The following WWOX variants were observed in gnomAD, a reference collection of about 807,000 sequenced individuals.
WWOX encodes the protein WW domain-containing oxidoreductase.
WWOX carries 69 observed loss-of-function variants against 46.2 expected under a neutral mutation model. That is an observed-to-expected ratio of 1.49 (90% CI 1.23 to 1.82). The LOEUF is 1.82. Among genes scored for constraint, WWOX ranks in the 40% most tolerant of loss-of-function variants. The pLI is 0.00. For missense variants in WWOX, 919 were observed against 542.6 expected, an observed-to-expected ratio of 1.69 and a Z score of -6.89; for synonymous variants, 359 against 202.6, an observed-to-expected ratio of 1.77 and a Z score of -6.56.
chr16:78,786,619 C>T (rs960980020), intron 8 of WWOX, among the ~76,000 whole-genome samples: 2 of 152,166 alleles, frequency 1.3e-5, no homozygotes, highest in African/African-American at 2.4e-5. Flanking sequence ...TTAGTATATT[C>T]GCATGGTTAT....
At chr16:79,064,927 A>C (rs913479800) in intron 8 of WWOX, among the ~76,000 whole-genome samples, 5 of 152,176 alleles carry the variant, frequency 3.3e-5, no homozygotes, top group African/African-American at 9.7e-5. Flanking sequence ...GGCCAGTGCA[A>C]ATGGCGCCAG....
At chr16:78,760,240 C>T (rs894433008) in intron 8 of WWOX, among the ~76,000 whole-genome samples, 1 of 152,162 alleles carries the variant, frequency 6.6e-6, no homozygotes, top group Admixed American at 6.5e-5. Context: ...TCTCATGAGA[C>T]TTATTCACTA....
intron 8 of WWOX, among the ~76,000 whole-genome samples, chr16:78,674,848 G>A (rs1242768216): frequency 6.8e-6 from 1 of 147,510 alleles, no homozygotes; most frequent in Non-Finnish European, 1.5e-5. Context: ...TTTTCTGGAA[G>A]AAAGAGCAGA....
At chr16:78,382,519 C>T (rs536300159) in intron 5 of WWOX, among the ~76,000 whole-genome samples, 6 of 152,180 alleles carry the variant, frequency 3.9e-5, no homozygotes, top group African/African-American at 1.4e-4. Flanking sequence ...CTTACTGAAG[C>T]ACATCCTGAT....
intron 8 of WWOX, among the ~76,000 whole-genome samples, chr16:78,549,118 T>C (rs866328132): frequency 2.0e-5 from 3 of 152,180 alleles, no homozygotes; most frequent in African/African-American, 7.2e-5. Flanking sequence ...GTCACTGTGG[T>C]ATTGAGATTT....
chr16:78,741,206 A>G (rs896054223), intron 8 of WWOX, among the ~76,000 whole-genome samples: 3 of 152,220 alleles, frequency 2.0e-5, no homozygotes, highest in African/African-American at 7.2e-5. Flanking sequence ...AATCTTTATT[A>G]TAATCCTGTA....
intron 5 of WWOX, among the ~76,000 whole-genome samples, chr16:78,363,805 G>A (rs1381105822): frequency 1.3e-5 from 2 of 152,162 alleles, no homozygotes; most frequent in African/African-American, 4.8e-5. Context: ...GAGACAGTGA[G>A]GTCCTGTAGG....
chr16:78,841,836 T>C (rs1264302264), intron 8 of WWOX, among the ~76,000 whole-genome samples: 1 of 152,234 alleles, frequency 6.6e-6, no homozygotes, highest in African/African-American at 2.4e-5. Context: ...GATTATGTTA[T>C]TCATGAATTT....
intron 8 of WWOX, among the ~76,000 whole-genome samples, chr16:79,042,074 A>G (rs952918078): frequency 6.6e-6 from 1 of 151,984 alleles, no homozygotes; most frequent in Non-Finnish European, 1.5e-5. Context: ...CTCTCTAGCT[A>G]CCATGTTCCA....
At chr16:79,144,503 C>T (rs2050149026) in intron 8 of WWOX, among the ~76,000 whole-genome samples, 1 of 152,144 alleles carries the variant, frequency 6.6e-6, no homozygotes, top group Non-Finnish European at 1.5e-5. Context: ...CGCTTGCCTC[C>T]TGCTAGTTCC....
At chr16:78,831,940 G>A (rs2051838678) in intron 8 of WWOX, among the ~76,000 whole-genome samples, 1 of 152,078 alleles carries the variant, frequency 6.6e-6, no homozygotes, top group Non-Finnish European at 1.5e-5. Flanking sequence ...CTCACTTTTG[G>A]TGATAACTAC....
At chr16:78,992,114 T>C (rs11645929) in intron 8 of WWOX, among the ~76,000 whole-genome samples, 149,693 of 152,224 alleles carry the variant, frequency 0.98, 73,671 homozygotes, top group East Asian at 1. Context: ...ACTAAAGATG[T>C]AGCAATGAGT....
chr16:78,214,301 T>C (rs2036649948), intron 5 of WWOX, among the ~76,000 whole-genome samples: 3 of 150,986 alleles, frequency 2.0e-5, no homozygotes, highest in South Asian at 4.2e-4. Flanking sequence ...AGCCAAGTAC[T>C]GAACCTCTCT....
At chr16:78,242,112 C>T (rs778021268) in intron 5 of WWOX, among the ~76,000 whole-genome samples, 4 of 152,146 alleles carry the variant, frequency 2.6e-5, no homozygotes, top group Admixed American at 6.6e-5. Flanking sequence ...ATTGCGACGT[C>T]GGCCTAACAT....
intron 5 of WWOX, among the ~76,000 whole-genome samples, chr16:78,232,888 CTGGA>C (rs1597381028): frequency 1.3e-5 from 2 of 152,066 alleles, no homozygotes; most frequent in East Asian, 3.9e-4. Flanking sequence ...TGTCACCGGG[CTGGA>C]GTGCAGTGGT....
chr16:79,017,292 T>C (rs1362120114), intron 8 of WWOX: 1 of 151,574 alleles, frequency 6.6e-6, no homozygotes, highest in African/African-American at 2.4e-5. Context: ...TAGCCAGGCA[T>C]GGTGGTGGGC....
At chr16:78,906,177 T>C (rs1478024948) in intron 8 of WWOX, among the ~76,000 whole-genome samples, 2 of 152,104 alleles carry the variant, frequency 1.3e-5, no homozygotes, top group Non-Finnish European at 2.9e-5. Context: ...TCTAGGGACA[T>C]CTGGGGCAGC....
intron 8 of WWOX, among the ~76,000 whole-genome samples, chr16:79,086,601 C>A (rs751855183): frequency 6.6e-6 from 1 of 152,146 alleles, no homozygotes; most frequent in East Asian, 1.9e-4. Context: ...TGTGTCCTGG[C>A]CAGGTGCAGT....
chr16:79,032,585 G>A lies in WWOX; in HGVS notation c.1057-179023G>A, dbSNP rs2047785422. 2.0e-5 allele frequency among the ~76,000 whole-genome samples: 3 copies of A among 146,748 alleles called. No individual in the cohort carries two copies. In the Admixed American group the frequency reaches 2.1e-4, roughly 10 times the overall value. Reference sequence around the variant, plus strand: ...TTCCATACATACATATATAATTTGGGGGGCAAAAACATATATATAATGAAT... The same window carrying A: ...TTCCATACATACATATATAATTTGGAGGGCAAAAACATATATATAATGAAT... On this transcript the variant is annotated intron_variant, in intron 8 of 8. Transcript: ENST00000566780.
Sources: gnomAD v4.1 joint callset for allele counts (sites outside exome capture counted in the v4.1 genomes callset) on GRCh38, gnomAD v4.1.1 for gene constraint, MANE v1.5 for transcripts, NCBI Gene and HGNC (gene_info 2026-07-23, HGNC 2026-07-21) for gene names.